GLI2: variants seen among roughly 807,000 people sequenced by gnomAD.
GLI2 encodes GLI family zinc finger 2.
GLI2 carries 22 observed loss-of-function variants against 78.9 expected under a neutral mutation model. That is an observed-to-expected ratio of 0.28 (90% CI 0.20 to 0.40). The LOEUF (loss-of-function observed/expected upper bound fraction) is 0.40, where lower values mean the gene tolerates loss of function less well. GLI2 is among the 10% of genes least tolerant of loss of function. The pLI, the probability that GLI2 is intolerant of heterozygous loss-of-function variation, is 1.00. For synonymous variants in GLI2, 974 were observed against 963.7 expected (o/e 1.01, Z -0.20); for missense variants, 2,097 against 2,213.2 (o/e 0.95, Z 1.05).
At chr2:120,782,159 G>A (rs963910030) in intron 1 of GLI2, among the ~76,000 whole-genome samples, 9 of 152,262 alleles carry the variant, frequency 5.9e-5, no homozygotes, top group East Asian at 1.9e-4. Flanking sequence ...TTTCCCTCCC[G>A]TTAAACATGT....
chr2:120,926,190 CA>C (rs1212115350), intron 2 of GLI2, among the ~76,000 whole-genome samples: 1 of 145,416 alleles, frequency 6.9e-6, no homozygotes, highest in African/African-American at 2.5e-5. Context: ...TCTGTTTGCA[CA>C]GAAACAGTTA....
At chr2:120,791,128 G>A (rs1388075558) in intron 1 of GLI2, among the ~76,000 whole-genome samples, 2 of 152,178 alleles carry the variant, frequency 1.3e-5, no homozygotes, top group Non-Finnish European at 2.9e-5. Flanking sequence ...CTCATTGTGG[G>A]AGAATTCAAT....
intron 8 of GLI2, chr2:120,972,771 GGA>G: frequency 2.1e-6 from 1 of 486,702 alleles, no homozygotes; most frequent in South Asian, 1.5e-5. Context: ...GTTCAAGCGG[GGA>G]GAGAAGAGCG....
chr2:120,988,458 C>G lies in GLI2; in HGVS notation c.2493C>G (p.Asn831Lys), dbSNP rs1683092560. Reference sequence around the variant, plus strand: ...CCCTGGGCGCCGGCCGCCCGCACAACGCGAGCTCCGCTGACTCCTACGACC... The same window carrying G: ...CCCTGGGCGCCGGCCGCCCGCACAAGGCGAGCTCCGCTGACTCCTACGACC... ...ASPLGAGRPH[N>K]ASSADSYDPI... is the part of the protein sequence containing the mutation. The change falls in exon 14 of 14, where the codon AAC becomes AAG. Residue 831 changes from asparagine to lysine, a missense_variant. Asn to Lys is a moderately conservative substitution (Grantham distance 94, BLOSUM62 0). This residue lies in a region of GLI2 where 1,290 missense variants were observed against 1,261.7 expected (regional missense o/e 1.02). Transcript: ENST00000361492. The G allele has an allele frequency of 6.4e-7, 1 of 1,566,166 alleles. No homozygotes were observed. The highest frequency in any genetic ancestry group is 8.6e-7 in the Non-Finnish European group (1 of 1,165,792).
intron 1 of GLI2, among the ~76,000 whole-genome samples, chr2:120,775,263 A>G (rs535698428): frequency 6.6e-6 from 1 of 152,354 alleles, no homozygotes; most frequent in African/African-American, 2.4e-5. Context: ...ATTGAGATGC[A>G]CGCTGCTTAA....
At chr2:120,764,964 G>A (rs1558785215) in intron 1 of GLI2, among the ~76,000 whole-genome samples, 1 of 152,146 alleles carries the variant, frequency 6.6e-6, no homozygotes, top group Non-Finnish European at 1.5e-5. Flanking sequence ...TTGTTCATTT[G>A]TTCACCGTCC....
rs568905941 is a variant in GLI2, at chr2:120,929,144, T to A, written c.254+1678T>A. 3.3e-5 allele frequency among the ~76,000 whole-genome samples: 5 copies of A among 152,334 alleles called. No homozygotes were observed. The South Asian group carries it at 1.0e-3, about 32-fold the overall frequency. On this transcript the variant is annotated intron_variant, in intron 3 of 13. Transcript: ENST00000361492. Reference sequence around the variant, plus strand: ...TTGCCTGATTGATGCTGTTTCATGATGACATTCGGATCATGCGTTTTGGGG... The same window carrying A: ...TTGCCTGATTGATGCTGTTTCATGAAGACATTCGGATCATGCGTTTTGGGG...
chr2:120,794,077 G>A (rs1242920096), intron 1 of GLI2, among the ~76,000 whole-genome samples: 3 of 152,218 alleles, frequency 2.0e-5, no homozygotes, highest in Non-Finnish European at 2.9e-5. Flanking sequence ...CTGGCTGTGG[G>A]AATGCTGTGC....
intron 2 of GLI2, among the ~76,000 whole-genome samples, chr2:120,802,427 T>C (rs891948101): frequency 2.0e-5 from 3 of 152,222 alleles, no homozygotes; most frequent in Non-Finnish European, 2.9e-5. Context: ...TTTGCTGTTG[T>C]GCTAACACTT....
At position 120,979,252 on chromosome 2, in the gene GLI2, C is replaced by CCA. The variant is rs548924910; in HGVS notation, c.1467+672_1467+673dup. ...CCAAAGTGCTGGGATTCGTCTTGAGCCACAGCTCCCAGCTGAGTTATTTTT... is the reference window on the plus strand; with the variant it reads ...CCAAAGTGCTGGGATTCGTCTTGAGCCACACAGCTCCCAGCTGAGTTATTTTT... On this transcript the variant is annotated intron_variant, in intron 10 of 13. Transcript: ENST00000361492. Among the ~76,000 whole-genome samples, 5 of 152,274 alleles carry CCA rather than the reference C, an allele frequency of 3.3e-5. No individual in the cohort carries two copies. The South Asian group carries it at 1.0e-3, about 32-fold the overall frequency.
intron 2 of GLI2, among the ~76,000 whole-genome samples, chr2:120,855,931 AG>A (rs974534446): frequency 2.6e-5 from 4 of 152,164 alleles, no homozygotes; most frequent in African/African-American, 9.7e-5. Flanking sequence ...AAGGAAAATC[AG>A]TTACCCTATT....
intron 1 of GLI2, among the ~76,000 whole-genome samples, chr2:120,778,336 C>T (rs1465655687): frequency 1.3e-5 from 2 of 152,172 alleles, no homozygotes; most frequent in Non-Finnish European, 1.5e-5. Context: ...GTTAGCTCCT[C>T]ACAGCGTCCC....
At chr2:120,768,583 C>T (rs1382368344) in intron 1 of GLI2, among the ~76,000 whole-genome samples, 2 of 152,214 alleles carry the variant, frequency 1.3e-5, no homozygotes, top group Admixed American at 6.5e-5. Context: ...GGGCACTCTG[C>T]GACCCTCTGA....
At chr2:120,920,613 G>T (rs944391777) in intron 2 of GLI2, among the ~76,000 whole-genome samples, 1 of 152,162 alleles carries the variant, frequency 6.6e-6, no homozygotes, top group Non-Finnish European at 1.5e-5. Flanking sequence ...AAACTGCAGC[G>T]TAGAAAAGTT....
At chr2:120,776,736 G>A (rs760891967) in intron 1 of GLI2, among the ~76,000 whole-genome samples, 10 of 152,244 alleles carry the variant, frequency 6.6e-5, no homozygotes, top group Middle Eastern at 3.2e-3. Context: ...CAGGGGCTGT[G>A]GAGGCCTGGG....
chr2:120,961,397 C>G (rs1018811883), intron 5 of GLI2, among the ~76,000 whole-genome samples: 1 of 152,182 alleles, frequency 6.6e-6, no homozygotes, highest in African/African-American at 2.4e-5. Context: ...GCAAAGGAAG[C>G]CACATTGCAG....
At chr2:120,827,070 C>T (rs1301573096) in intron 2 of GLI2, among the ~76,000 whole-genome samples, 1 of 152,226 alleles carries the variant, frequency 6.6e-6, no homozygotes, top group African/African-American at 2.4e-5. Flanking sequence ...GGGCCTGGCA[C>T]TGCCCATGCC....
chr2:120,788,415 A>T lies in GLI2; in HGVS notation c.-30-8876A>T, dbSNP rs143589391. 1.9e-3 allele frequency among the ~76,000 whole-genome samples: 297 copies of T among 152,332 alleles called. 3 individuals are homozygous for T. Among genetic ancestry groups the T allele is most frequent in the African/African-American group, 7.0e-3 (291 of 41,578 alleles). On this transcript the variant is annotated intron_variant, in intron 1 of 13. Coordinates refer to ENST00000361492, the MANE Select transcript of GLI2 (RefSeq NM_001374353.1). ...CCTGGCAGGAAGGCATGGGGATTGG[A>T]GAGGGCCTGCTGGCTTTCAGGGAGT...
At chr2:120,736,802 T>C (rs1682371299) in intron 1 of GLI2, among the ~76,000 whole-genome samples, 2 of 151,926 alleles carry the variant, frequency 1.3e-5, no homozygotes, top group East Asian at 3.9e-4. Flanking sequence ...CCTTTCTTTC[T>C]TCCTTCCTCA....
Sources: gnomAD v4.1 joint callset for allele counts (sites outside exome capture counted in the v4.1 genomes callset) on GRCh38, gnomAD v4.1.1 for gene constraint, gnomAD v4.1.1 regional missense constraint, MANE v1.5 for transcripts, NCBI Gene and HGNC (gene_info 2026-07-23, HGNC 2026-07-21) for gene names.